PPM1B: variants seen among roughly 807,000 people sequenced by gnomAD.
The protein encoded by PPM1B is protein phosphatase 1B.
In PPM1B, 22 loss-of-function variants were observed where a neutral mutation model predicts 43.0. The observed-to-expected ratio is 0.51, with a 90% CI of 0.37 to 0.73. The LOEUF is 0.73. Among genes scored for constraint, PPM1B ranks in the 30% least tolerant of loss-of-function variants. The pLI, the probability that PPM1B is intolerant of heterozygous loss-of-function variation, is 0.00. For missense variants in PPM1B, 632 were observed against 584.2 expected, an observed-to-expected ratio of 1.08 and a Z score of -0.84; for synonymous variants, 217 against 197.9, an observed-to-expected ratio of 1.10 and a Z score of -0.81.
rs375927371 is a variant in PPM1B at position 44,173,384 on chromosome 2, CT to C, written c.-15+4117del. On this transcript the variant is annotated intron_variant, in intron 1 of 5. Coordinates refer to ENST00000282412, the MANE Select transcript of PPM1B (RefSeq NM_002706.6). ...TAAATACTGTACAATAACTTATATA[CT>C]TTTTTTCTTTTTAGTTTTCTTTTTT... Among the ~76,000 whole-genome samples the C allele has an allele frequency of 2.1e-3, 318 of 152,186 alleles. 1 individual carries two copies. The highest frequency in any genetic ancestry group is 7.0e-3 in the South Asian group (34 of 4,824).
At chr2:44,185,221 T>G (rs919499754) in intron 1 of PPM1B, among the ~76,000 whole-genome samples, 12 of 152,134 alleles carry the variant, frequency 7.9e-5, no homozygotes, top group African/African-American at 2.9e-4. Flanking sequence ...TTCCTGCCTA[T>G]AGTTGTGTCT....
downstream of PPM1B, chr2:44,232,897 T>C (rs914047511): frequency 1.0e-6 from 1 of 971,836 alleles, no homozygotes; most frequent in African/African-American, 1.8e-5. Context: ...ATTACCAAAC[T>C]GGGTTCTCCA....
chr2:44,216,034 A>G (rs923933542), intron 3 of PPM1B, among the ~76,000 whole-genome samples: 1 of 152,198 alleles, frequency 6.6e-6, no homozygotes, highest in African/African-American at 2.4e-5. Flanking sequence ...GGTTTGTAGG[A>G]GGCATATCAT....
At chr2:44,195,352 C>T (rs770930266) in intron 1 of PPM1B, among the ~76,000 whole-genome samples, 34 of 152,190 alleles carry the variant, frequency 2.2e-4, no homozygotes, top group East Asian at 5.8e-4. Context: ...TGCAGGCATA[C>T]GCCACCATGC....
chr2:44,179,365 C>G (rs1240117979), intron 1 of PPM1B, among the ~76,000 whole-genome samples: 1 of 152,194 alleles, frequency 6.6e-6, no homozygotes, highest in Admixed American at 6.5e-5. Context: ...TTTACACTTA[C>G]AGCAAATCTC....
At chr2:44,174,346 T>C (rs576541442) in intron 1 of PPM1B, among the ~76,000 whole-genome samples, 1 of 152,332 alleles carries the variant, frequency 6.6e-6, no homozygotes, top group South Asian at 2.1e-4. Context: ...TTGGAAGCCA[T>C]GTATTGACTA....
chr2:44,186,814 C>G (rs995233042), intron 1 of PPM1B, among the ~76,000 whole-genome samples: 14 of 152,348 alleles, frequency 9.2e-5, no homozygotes, highest in Middle Eastern at 3.4e-3. Context: ...TATTTGGATT[C>G]TTCTTTTTGT....
intron 1 of PPM1B, among the ~76,000 whole-genome samples, chr2:44,174,149 T>C (rs1337174445): frequency 1.3e-5 from 2 of 152,244 alleles, no homozygotes; most frequent in Non-Finnish European, 2.9e-5. Flanking sequence ...GATTCAAACT[T>C]TTCTCTTGGA....
chr2:44,177,075 C>A lies in PPM1B; in HGVS notation c.-15+7801C>A, dbSNP rs145277342. 5.3e-5 allele frequency among the ~76,000 whole-genome samples: 8 copies of A among 152,268 alleles called. No homozygotes were observed. The South Asian group carries it at 1.4e-3, about 28-fold the overall frequency. ...GATTACAGGCATGAGCCACCGTGCC[C>A]GGCCTAGTTTCATTTTTAATGTATT... On this transcript the variant is annotated intron_variant, in intron 1 of 5. Transcript: ENST00000282412.
At chr2:44,225,284 G>A (rs1670160641) in intron 5 of PPM1B, among the ~76,000 whole-genome samples, 1 of 152,204 alleles carries the variant, frequency 6.6e-6, no homozygotes, top group Admixed American at 6.5e-5. Flanking sequence ...GGAGAGTCTT[G>A]TGAACCGTTG....
chr2:44,235,417 A>G (rs550580227), downstream of PPM1B, among the ~76,000 whole-genome samples: 19 of 152,258 alleles, frequency 1.2e-4, no homozygotes, highest in South Asian at 2.5e-3. Flanking sequence ...CAGCCTGACC[A>G]ACATGGAGAA....
chr2:44,192,630 C>G lies in PPM1B; in HGVS notation c.-14-8556C>G, dbSNP rs77181253. 3.8e-3 allele frequency among the ~76,000 whole-genome samples: 572 copies of G among 152,286 alleles called. 15 individuals are homozygous for G. In the East Asian group the frequency reaches 0.059, roughly 16 times the overall value. ...TGCAGTGTAAAATGATTGAATCAAG[C>G]TAATGAACATATCTATCACCTTACA... is the stretch of plus-strand genomic sequence containing the variant. On this transcript the variant is annotated intron_variant, in intron 1 of 5. Transcript: ENST00000282412.
intron 3 of PPM1B, among the ~76,000 whole-genome samples, chr2:44,209,833 G>GA (rs139005437): frequency 8.6e-5 from 13 of 150,806 alleles, no homozygotes; most frequent in Admixed American, 8.6e-4. Flanking sequence ...ACAAGTCCTT[G>GA]AAAAAACACA....
intron 1 of PPM1B, among the ~76,000 whole-genome samples, chr2:44,188,262 GAA>G (rs1668221975): frequency 6.6e-6 from 1 of 152,158 alleles, no homozygotes; most frequent in Non-Finnish European, 1.5e-5. Flanking sequence ...GAAGCCAGAT[GAA>G]GTATCTTTTT....
Position 44,201,551 on chromosome 2 carries a change from C to T in PPM1B, c.352C>T (p.Arg118Cys), listed in dbSNP as rs368246958. 3.1e-6 allele frequency: 5 copies of T among 1,613,998 alleles called. No individual in the cohort carries two copies. The highest frequency in any genetic ancestry group is 4.2e-6 in the Non-Finnish European group (5 of 1,180,034). Residue 118 changes from arginine to cysteine, a missense_variant, in exon 2 of 6, where the codon CGT becomes TGT. Coordinates refer to ENST00000282412, the MANE Select transcript of PPM1B (RefSeq NM_002706.6). This position sits in a 1 kb window ranked among gnomAD's most constrained non-coding sequence, Gnocchi z 5.4. ...TGFLKIDEYM[R>C]NFSDLRNGMD... Reference sequence around the variant, plus strand: ...ATTTTTGAAAATTGATGAATACATGCGTAACTTTTCAGACCTCAGAAACGG... The same window carrying T: ...ATTTTTGAAAATTGATGAATACATGTGTAACTTTTCAGACCTCAGAAACGG...
chr2:44,234,768 T>G (rs1405615847), downstream of PPM1B: 4 of 213,542 alleles, frequency 1.9e-5, no homozygotes, highest in Non-Finnish European at 2.4e-5. Context: ...TATTAGAAAT[T>G]AAAGCTGAGA....
intron 1 of PPM1B, among the ~76,000 whole-genome samples, chr2:44,180,009 C>CAAAAAAA (rs766537523): frequency 1.2e-5 from 1 of 83,678 alleles, no homozygotes; most frequent in Non-Finnish European, 2.5e-5. Flanking sequence ...AACTTCGTTC[C>CAAAAAAA]AAAAAAAAAA....
chr2:44,170,948 C>CT (rs888752972), intron 1 of PPM1B, among the ~76,000 whole-genome samples: 37 of 151,184 alleles, frequency 2.4e-4, no homozygotes, highest in South Asian at 4.2e-4. Context: ...CCTTCTTTGT[C>CT]TTTTTTTTTG....
Position 44,201,757 on chromosome 2 carries a change from C to T in PPM1B, c.558C>T (p.Ser186=), listed in dbSNP as rs773851954. 5 of 1,614,138 alleles carry T rather than the reference C, an allele frequency of 3.1e-6. No homozygotes were observed. The Admixed American group carries it at 6.7e-5, about 22-fold the overall frequency. The change falls in exon 2 of 6, where the codon AGC becomes AGT. Residue 186 remains serine (S), a synonymous_variant. Coordinates refer to ENST00000282412, the MANE Select transcript of PPM1B (RefSeq NM_002706.6). This position sits in a 1 kb window ranked among gnomAD's most constrained non-coding sequence, Gnocchi z 5.4. The stretch of plus-strand genomic sequence containing the variant: ...AGCGAATCCAAAATGCAGGAGGCAG[C>T]GTGATGATACAACGTGTTAATGGTT... ...EKERIQNAGG[S]VMIQRVNGSL...
Sources: allele counts gnomAD v4.1 joint callset (sites outside exome capture counted in the v4.1 genomes callset), GRCh38; gene constraint gnomAD v4.1.1; non-coding constraint Gnocchi (gnomAD v3.1); transcripts MANE v1.5; gene names NCBI Gene and HGNC (gene_info 2026-07-23, HGNC 2026-07-21).